IRX2: variants seen among roughly 807,000 people sequenced by gnomAD.
IRX2 encodes the protein iroquois homeobox 2.
Under a neutral mutation model 42.9 loss-of-function variants are expected in IRX2, and 26 were observed. That is an observed-to-expected ratio of 0.61 (90% CI 0.44 to 0.84). The LOEUF (loss-of-function observed/expected upper bound fraction) is 0.84, where lower values mean the gene tolerates loss of function less well. Ranked by LOEUF, IRX2 falls within the 40% of genes least tolerant of loss-of-function variation. The probability of loss-of-function intolerance (pLI) is 0.00; values close to 1 mark genes in which losing one functional copy is unlikely to be tolerated. For synonymous variants in IRX2, 424 were observed against 353.9 expected (o/e 1.20, Z -2.22); for missense variants, 782 against 713.9 (o/e 1.10, Z -1.09).
chr5:2,737,772 G>A, the IRX2 span: 11 of 152,424 alleles, frequency 7.2e-5, no homozygotes, highest in African/African-American at 2.4e-4. Flanking sequence ...AGTTCTTGTA[G>A]GAAGTGGCCC....
downstream of IRX2, chr5:2,746,130 C>T (rs899741206): frequency 1.3e-5 from 2 of 151,464 alleles, no homozygotes; most frequent in Admixed American, 6.6e-5. Context: ...TACCCCAAAT[C>T]ATTCTTCTAG....
At chr5:2,750,103 C>G (rs929378001) in intron 1 of IRX2, among the ~76,000 whole-genome samples, 29 of 152,158 alleles carry the variant, frequency 1.9e-4, no homozygotes, top group African/African-American at 7.0e-4. Flanking sequence ...CACACAGGCC[C>G]ACAGGTAGCT....
chr5:2,748,167 G>C (rs1737748652), intron 3 of IRX2, among the ~76,000 whole-genome samples, 178 bp downstream of exon 3: 1 of 152,208 alleles, frequency 6.6e-6, no homozygotes, highest in Non-Finnish European at 1.5e-5. Flanking sequence ...TCTAAAAAGA[G>C]GGCCACACCT....
At position 2,747,491 on chromosome 5, in the gene IRX2, G is replaced by A; in HGVS notation, c.*73C>T. On this transcript the variant is annotated 3_prime_UTR_variant, in exon 4 of 4. Transcript: ENST00000302057. ...GCAAGAAAAACACATTAAGCAAGTT[G>A]GTGCTGGGAGGCTCCACAGGGTCTG... 7.7e-7 allele frequency: 1 copy of A among 1,292,984 alleles called. No individual in the cohort carries two copies. Among genetic ancestry groups the A allele is most frequent in the Non-Finnish European group, 1.1e-6 (1 of 892,746 alleles). 80.1% of individuals were successfully genotyped at this position (1,292,984 alleles called of 1,614,324 possible). A position where few individuals can be genotyped will look rare whatever the true frequency, so the allele number is the denominator to read the frequency against.
At chr5:2,741,564 A>T (rs1336640849), downstream of IRX2, among the ~76,000 whole-genome samples, 1 of 152,184 alleles carries the variant, frequency 6.6e-6, no homozygotes, top group East Asian at 1.9e-4. Context: ...TAATTACCAG[A>T]TCAGATAAAT....
chr5:2,748,434 G>C lies in IRX2; in HGVS notation c.1274C>G (p.Pro425Arg). 1.3e-6 allele frequency: 2 copies of C among 1,550,054 alleles called. No homozygotes were observed. Among genetic ancestry groups the C allele is most frequent in the African/African-American group, 1.4e-5 (1 of 70,206 alleles). Residue 425 changes from proline (P) to arginine (R), a missense_variant, in exon 3 of 4, where the codon CCA (proline) becomes CGA (arginine). Coordinates refer to ENST00000302057, the MANE Select transcript of IRX2 (RefSeq NM_033267.5). ...AAPGEALHTA[P>R]KAASDAGKAG... ...CTTGCCCGCGTCGCTGGCCGCCTTT[G>C]GCGCGGTGTGCAGGGCCTCGCCGGG...
In IRX2 at chr5:2,748,743, G is replaced by A; in HGVS notation, c.965C>T (p.Pro322Leu). The change falls in exon 3 of 4, where the codon CCC becomes CTC. Residue 322 changes from proline (P) to leucine (L), a missense_variant. Physicochemically the swap from Pro to Leu is moderately conservative, Grantham distance 98. Around this residue, in one of 3 missense-constraint regions of IRX2, gnomAD observed 520 missense variants for 437.8 expected, o/e 1.19. Transcript: ENST00000302057. The stretch of plus-strand genomic sequence containing the variant: ...CCACAGCTTGGGCTTGCTGGCGGGG[G>A]GCGGCGCGCCCGGAGACGTCCGGCT... ...QGSRTSPGAP[P>L]PASKPKLWSL... 7.3e-7 allele frequency: 1 copy of A among 1,365,808 alleles called. No homozygotes were observed. Among genetic ancestry groups the A allele is most frequent in the Non-Finnish European group, 9.4e-7 (1 of 1,065,578 alleles). The allele number at this position is 1,365,808 out of a possible 1,614,324, so 84.6% of individuals were successfully genotyped here.
chr5:2,742,818 ATTGATGT>A, downstream of IRX2, among the ~76,000 whole-genome samples: 4 of 152,034 alleles, frequency 2.6e-5, no homozygotes, highest in Admixed American at 2.6e-4. Context: ...TTTTTTCCAA[ATTGATGT>A]CTGTTTAATT....
Position 2,751,306 on chromosome 5 carries a change from C to A in IRX2, c.108G>T (p.Leu36=). Residue 36 remains leucine, a synonymous_variant, in exon 1 of 4, where the codon CTG becomes CTT. Coordinates refer to ENST00000302057, the MANE Select transcript of IRX2 (RefSeq NM_033267.5). This position sits in a 1 kb window ranked among gnomAD's most constrained non-coding sequence, Gnocchi z 4.0. ...ACGCCGAGCCCGACGCCGAGCGCGC[C>A]AGCTCCTCGCTGCGCGGAGCCGCCA... ...SALAAPRSEE[L]ARSASGSAFS... The A allele has an allele frequency of 7.0e-7, 1 of 1,436,470 alleles. No individual in the cohort carries two copies. The allele number at this position is 1,436,470 out of a possible 1,614,324, so 89.0% of individuals were successfully genotyped here. A position where few individuals can be genotyped will look rare whatever the true frequency, so the allele number is the denominator to read the frequency against.
At chr5:2,745,788 A>G (rs1019577301), downstream of IRX2, 2 of 152,128 alleles carry the variant, frequency 1.3e-5, no homozygotes, top group Non-Finnish European at 2.9e-5. Context: ...ATTATTCTCC[A>G]GTTTGGTTTA....
intron 2 of IRX2, 94 bp from the exon 3 acceptor site, chr5:2,749,146 C>A: frequency 6.6e-7 from 1 of 1,511,032 alleles, no homozygotes; most frequent in African/African-American, 1.4e-5. Flanking sequence ...GGGCCCTCCC[C>A]ACGGGACCCC....
rs1400782158 is a variant in IRX2, at chr5:2,747,617, C to A, written c.1364-1G>T. Reference sequence around the variant, plus strand: ...ACCACGGTGCAGCCCTCGCTGGCATCTGTCAGGGGAGTGGGCAGTTAGTCA... The same window carrying A: ...ACCACGGTGCAGCCCTCGCTGGCATATGTCAGGGGAGTGGGCAGTTAGTCA... On this transcript the variant is annotated splice_acceptor_variant, in intron 3 of 3. Coordinates refer to ENST00000302057, the MANE Select transcript of IRX2 (RefSeq NM_033267.5). LOFTEE classifies it high-confidence loss of function. 3.1e-6 allele frequency: 5 copies of A among 1,613,836 alleles called. No individual in the cohort carries two copies. Among genetic ancestry groups the A allele is most frequent in the Admixed American group, 1.7e-5 (1 of 60,014 alleles).
downstream of IRX2, among the ~76,000 whole-genome samples, chr5:2,741,341 ATTTG>A (rs1459913884): frequency 2.0e-5 from 3 of 151,736 alleles, no homozygotes; most frequent in Admixed American, 6.6e-5. Flanking sequence ...GCTGTGCTCT[ATTTG>A]TTTGTCATTT....
rs1737691942 is a variant in IRX2 at position 2,747,011 on chromosome 5, G to A, written c.*553C>T. ...CTTGGACATGGGTGGAGGGGAGGTT[G>A]GACAGGGCTGATAAAAGACTAGTAC... On this transcript the variant is annotated 3_prime_UTR_variant, in exon 4 of 4. Coordinates refer to ENST00000302057, the MANE Select transcript of IRX2 (RefSeq NM_033267.5). The A allele has an allele frequency of 6.6e-6, 1 of 152,120 alleles. No individual in the cohort carries two copies. The highest frequency in any genetic ancestry group is 1.5e-5 in the Non-Finnish European group (1 of 68,022). The allele number at this position is 152,120 out of a possible 1,614,324, so 9.4% of individuals were successfully genotyped here.
intron 1 of IRX2, 75 bp from the exon 2 acceptor site, chr5:2,749,862 C>T: frequency 1.4e-6 from 2 of 1,429,894 alleles, no homozygotes; most frequent in Admixed American, 2.2e-5. Flanking sequence ...GCCACCCCTC[C>T]GCCCGCCCAC....
chr5:2,744,073 CGTGTGTGTGTGTGT>C (rs10547927), downstream of IRX2, among the ~76,000 whole-genome samples: 185 of 140,170 alleles, frequency 1.3e-3, no homozygotes, highest in African/African-American at 4.3e-3. Flanking sequence ...AGAATGGAGT[CGTGTGTGTGTGTGT>C]GTGTGTGTGT....
chr5:2,740,407 C>T, the IRX2 span, among the ~76,000 whole-genome samples: 1 of 152,146 alleles, frequency 6.6e-6, no homozygotes. Context: ...CCCGACTGGC[C>T]TTGGTCGTTG....
Position 2,749,619 on chromosome 5 carries a change from G to A in IRX2, c.418C>T (p.Pro140Ser). The change falls in exon 2 of 4, where the codon CCC becomes TCC. Residue 140 changes from proline to serine, a missense_variant. This residue lies in a region of IRX2 where 256 missense variants were observed against 250.0 expected (regional missense o/e 1.02). Coordinates refer to ENST00000302057, the MANE Select transcript of IRX2 (RefSeq NM_033267.5). ...KAWLNEHRKN[P>S]YPTKGEKIML... ...ATCTTCTCGCCCTTGGTGGGGTAGGGGTTCTTGCGGTGCTCGTTGAGCCAG... is the reference window on the plus strand; with the variant it reads ...ATCTTCTCGCCCTTGGTGGGGTAGGAGTTCTTGCGGTGCTCGTTGAGCCAG... 1.2e-6 allele frequency: 2 copies of A among 1,614,224 alleles called. No individual in the cohort carries two copies. The highest frequency in any genetic ancestry group is 1.7e-6 in the Non-Finnish European group (2 of 1,180,034).
the IRX2 span, among the ~76,000 whole-genome samples, chr5:2,740,476 G>C: frequency 1.3e-5 from 2 of 152,224 alleles, no homozygotes; most frequent in African/African-American, 2.4e-5. Flanking sequence ...GCCGCGCTTG[G>C]GGAGACTGCA....
Sources: gnomAD v4.1 joint callset for allele counts (sites outside exome capture counted in the v4.1 genomes callset) on GRCh38, gnomAD v4.1.1 for gene constraint, gnomAD v4.1.1 regional missense constraint, Gnocchi (gnomAD v3.1) non-coding constraint, MANE v1.5 for transcripts, NCBI Gene and HGNC (gene_info 2026-07-23, HGNC 2026-07-21) for gene names.